Variants in TDP1 observed in about 807,000 individuals in gnomAD.
The protein encoded by TDP1 is tyrosyl-DNA phosphodiesterase 1.
A neutral mutation model predicts 81.5 loss-of-function variants in TDP1; 64 were observed. That is an observed-to-expected ratio of 0.79 (90% confidence interval 0.64 to 0.97). TDP1 has a LOEUF of 0.97. TDP1 is among the 50% of genes least tolerant of loss of function. TDP1 has a pLI of 0.00. For synonymous variants in TDP1, 256 were observed against 264.3 expected, an observed-to-expected ratio of 0.97 and a Z score of 0.30; for missense variants, 723 against 743.8, an observed-to-expected ratio of 0.97 and a Z score of 0.33.
In TDP1 at chr14:89,972,331, TATC is replaced by T. The variant is rs762831362; in HGVS notation, c.756+1063_756+1065del. Among the ~76,000 whole-genome samples the T allele has an allele frequency of 6.3e-4, 96 of 152,086 alleles. 1 individual carries two copies. The highest frequency in any genetic ancestry group is 1.1e-3 in the Non-Finnish European group (77 of 68,022). On this transcript the variant is annotated intron_variant, in intron 6 of 16. Transcript: ENST00000335725. Reference sequence around the variant, plus strand: ...TACACACTTTTATCAAACAACCAGATATCATGAGAACTCTCTATCACGAGAACA... The same window carrying T: ...TACACACTTTTATCAAACAACCAGATATGAGAACTCTCTATCACGAGAACA...
In TDP1 at chr14:89,967,418, T is replaced by C. The variant is rs148474327; in HGVS notation, c.655T>C (p.Phe219Leu). ...GCTCGTAAAACAGTATCCACCAGAGTTCAGGTGAGTTCCTCAGGGTGACAG... is the reference window on the plus strand; with the variant it reads ...GCTCGTAAAACAGTATCCACCAGAGCTCAGGTGAGTTCCTCAGGGTGACAG... ...DWLVKQYPPEFRKKPILLVHG... is the reference protein window; with the variant it reads ...DWLVKQYPPELRKKPILLVHG... Residue 219 changes from phenylalanine (F) to leucine (L), a missense_variant, in exon 5 of 17, where the codon TTC becomes CTC. Phe to Leu is a conservative substitution (Grantham distance 22). Coordinates refer to ENST00000335725, the MANE Select transcript of TDP1 (RefSeq NM_018319.4). 7.2e-5 allele frequency: 117 copies of C among 1,613,858 alleles called. No individual in the cohort carries two copies. In the African/African-American group the frequency reaches 1.1e-3, roughly 16 times the overall value.
chr14:90,034,976 T>G (rs916110402), intron 16 of TDP1, among the ~76,000 whole-genome samples: 1 of 151,086 alleles, frequency 6.6e-6, no homozygotes, highest in Non-Finnish European at 1.5e-5. Flanking sequence ...GAACCAAGCC[T>G]CCTCTGTCCC....
chr14:90,004,753 G>T (rs527470546), intron 14 of TDP1, among the ~76,000 whole-genome samples: 1 of 152,296 alleles, frequency 6.6e-6, no homozygotes, highest in Non-Finnish European at 1.5e-5. Flanking sequence ...AAACATTATT[G>T]CAGGAGAGTC....
intron 15 of TDP1, among the ~76,000 whole-genome samples, chr14:90,029,223 AGT>A (rs1886990852): frequency 7.2e-6 from 1 of 138,680 alleles, no homozygotes; most frequent in African/African-American, 2.8e-5. Context: ...TTTGAGACAG[AGT>A]CTCGCTTTGT....
At chr14:89,961,138 CGT>C (rs1040161672) in intron 2 of TDP1, among the ~76,000 whole-genome samples, 2 of 152,144 alleles carry the variant, frequency 1.3e-5, no homozygotes, top group African/African-American at 4.8e-5. Context: ...AATGAGCAAA[CGT>C]GTGTTTTGTG....
chr14:89,962,906 C>T (rs984134104), intron 2 of TDP1: 39 of 984,876 alleles, frequency 4.0e-5, no homozygotes, highest in Admixed American at 1.2e-4. Context: ...GAAAGGTGAC[C>T]AGGACTTTTG....
chr14:90,032,804 G>C (rs979004525), intron 15 of TDP1: 2 of 984,726 alleles, frequency 2.0e-6, no homozygotes, highest in African/African-American at 3.5e-5. Flanking sequence ...CATAATGTTG[G>C]GTTGAAATGG....
intron 2 of TDP1, among the ~76,000 whole-genome samples, chr14:89,961,509 G>T (rs1892324471): frequency 6.6e-6 from 1 of 152,200 alleles, no homozygotes. Flanking sequence ...CCCTTGCTTG[G>T]CATGGCCTTA....
rs535576640 is a variant in TDP1, at chr14:90,014,967, C to G, written c.1542-4349C>G. ...TGAACATCCAACAAGTACTCCACTC[C>G]CCAGTGGTAAACCTCCAGTGAAACT... On this transcript the variant is annotated intron_variant, in intron 14 of 16. Coordinates refer to ENST00000335725, the MANE Select transcript of TDP1 (RefSeq NM_018319.4). 2.0e-5 allele frequency among the ~76,000 whole-genome samples: 3 copies of G among 152,286 alleles called. No homozygotes were observed. The South Asian group carries it at 6.2e-4, about 32-fold the overall frequency.
Position 90,043,116 on chromosome 14 carries a change from G to A in TDP1, c.1800G>A (p.Thr600=), listed in dbSNP as rs75808917. The change falls in exon 17 of 17, where the codon ACG becomes ACA. Residue 600 remains threonine (T), a synonymous_variant. Transcript: ENST00000335725. ...WNIPYVKAPD[T]HGNMWVPS ...TTCCTTATGTCAAAGCACCGGATAC[G>A]CATGGGAACATGTGGGTGCCCTCCT... 4.4e-4 allele frequency: 715 copies of A among 1,614,170 alleles called. 1 individual carries two copies. In the African/African-American group the frequency reaches 8.3e-3, roughly 19 times the overall value.
rs1888540497 is a variant in TDP1, at chr14:90,043,236, C to A, written c.*93C>A. The A allele has an allele frequency of 6.7e-7, 1 of 1,488,932 alleles. No individual in the cohort carries two copies. Among genetic ancestry groups the A allele is most frequent in the South Asian group, 1.2e-5 (1 of 86,278 alleles). The allele number at this position is 1,488,932 out of a possible 1,614,324, so 92.2% of individuals were successfully genotyped here. A position where few individuals can be genotyped will look rare whatever the true frequency, so the allele number is the denominator to read the frequency against. On this transcript the variant is annotated 3_prime_UTR_variant, in exon 17 of 17. Coordinates refer to ENST00000335725, the MANE Select transcript of TDP1 (RefSeq NM_018319.4). ...ACTGGATGTCCACTTCCCTTAAAGTCTTATTTGCACCCTTACAAAATCTTT... is the reference window on the plus strand; with the variant it reads ...ACTGGATGTCCACTTCCCTTAAAGTATTATTTGCACCCTTACAAAATCTTT...
At chr14:89,980,510 A>G in intron 7 of TDP1, 30 bp from the exon 8 acceptor site, 1 of 1,592,646 alleles carries the variant, frequency 6.3e-7, no homozygotes, top group Non-Finnish European at 8.6e-7. Context: ...AGTACTATTA[A>G]TGCTTTTTGA....
chr14:89,989,772 C>A lies in TDP1; in HGVS notation c.1366+7C>A. On this transcript the variant is annotated splice_region_variant and intron_variant, in intron 12 of 16. Transcript: ENST00000335725. ...AGTTTAGAAGGATATCCTGGTAATTCTTGGGGAGACTGTCTTGATTGTGTT... is the reference window on the plus strand; with the variant it reads ...AGTTTAGAAGGATATCCTGGTAATTATTGGGGAGACTGTCTTGATTGTGTT... 1 of 1,598,464 alleles carries A rather than the reference C, an allele frequency of 6.3e-7. No homozygotes were observed. The highest frequency in any genetic ancestry group is 8.6e-7 in the Non-Finnish European group (1 of 1,165,982).
chr14:89,987,262 G>A (rs1472841003), intron 10 of TDP1, among the ~76,000 whole-genome samples: 1 of 152,114 alleles, frequency 6.6e-6, no homozygotes, highest in African/African-American at 2.4e-5. Flanking sequence ...ATATGTGTGG[G>A]GTTTTCCTCA....
Position 89,959,435 on chromosome 14 carries a change from G to A in TDP1, c.-8+2635G>A, listed in dbSNP as rs1892072715. Among the ~76,000 whole-genome samples, 3 of 152,224 alleles carry A rather than the reference G, an allele frequency of 2.0e-5. No individual in the cohort carries two copies. In the South Asian group the frequency reaches 6.2e-4, roughly 31 times the overall value. On this transcript the variant is annotated intron_variant, in intron 2 of 16. Coordinates refer to ENST00000335725, the MANE Select transcript of TDP1 (RefSeq NM_018319.4). ...AAAAGTTTGATATTGGTGTTTACTA[G>A]CAGTTCTTTTCCAACTGGGCGGGAG...
chr14:90,033,293 C>T (rs1208010804), intron 16 of TDP1, 79 bp downstream of exon 16: 2 of 861,534 alleles, frequency 2.3e-6, no homozygotes, highest in African/African-American at 1.7e-5. Context: ...CCTTTGGTCT[C>T]AGTGGGATCC....
intron 16 of TDP1, among the ~76,000 whole-genome samples, chr14:90,038,655 T>C (rs1888055279): frequency 6.6e-6 from 1 of 152,108 alleles, no homozygotes; most frequent in African/African-American, 2.4e-5. Context: ...TTGGCCAACA[T>C]GGTGAAACCC....
chr14:89,987,955 C>CA (rs1895755060), intron 10 of TDP1, among the ~76,000 whole-genome samples: 1 of 152,176 alleles, frequency 6.6e-6, no homozygotes. Context: ...CCCTCTCCCT[C>CA]AGACACCAGT....
chr14:89,992,847 A>C, intron 13 of TDP1: 1 of 703,352 alleles, frequency 1.4e-6, no homozygotes, highest in African/African-American at 1.9e-5. Context: ...CATAGTCTGC[A>C]ATATTGGAAA....
Sources: allele counts gnomAD v4.1 joint callset (sites outside exome capture counted in the v4.1 genomes callset), GRCh38; gene constraint gnomAD v4.1.1; transcripts MANE v1.5; gene names NCBI Gene and HGNC (gene_info 2026-07-23, HGNC 2026-07-21).